EEFSEC: variants seen among roughly 807,000 people sequenced by gnomAD.
The protein encoded by EEFSEC is selenocysteine-specific elongation factor.
EEFSEC carries 43 observed loss-of-function variants against 42.1 expected under a neutral mutation model. The ratio of observed to expected loss-of-function variants is 1.02; its 90% CI spans 0.80 to 1.32. The LOEUF (loss-of-function observed/expected upper bound fraction) is 1.32, where lower values mean the gene tolerates loss of function less well. Ranked by LOEUF, EEFSEC falls within the 40% of genes most tolerant of loss-of-function variation. EEFSEC has a pLI of 0.00. For missense variants in EEFSEC, 745 were observed against 803.6 expected (o/e 0.93, Z 0.88); for synonymous variants, 354 against 339.1 (o/e 1.04, Z -0.48).
intron 1 of EEFSEC, among the ~76,000 whole-genome samples, chr3:128,220,979 ATTCT>A (rs1208078569): frequency 6.6e-6 from 1 of 152,246 alleles, no homozygotes; most frequent in Non-Finnish European, 1.5e-5. Flanking sequence ...ACCAAAGTGA[ATTCT>A]CGTTACTCTC....
At chr3:128,403,529 G>A (rs1350459957) in intron 6 of EEFSEC, among the ~76,000 whole-genome samples, 1 of 152,168 alleles carries the variant, frequency 6.6e-6, no homozygotes, top group South Asian at 2.1e-4. Flanking sequence ...CACTCAGCAC[G>A]TGGCCTTGTC....
At chr3:128,282,220 C>T (rs1253351816) in intron 4 of EEFSEC, among the ~76,000 whole-genome samples, 1 of 152,214 alleles carries the variant, frequency 6.6e-6, no homozygotes, top group Admixed American at 6.5e-5. Context: ...CATGAAATGC[C>T]AGCCACTGGT....
chr3:128,160,032 T>A (rs1279495751), intron 1 of EEFSEC, among the ~76,000 whole-genome samples: 1 of 152,196 alleles, frequency 6.6e-6, no homozygotes, highest in African/African-American at 2.4e-5. Context: ...GGATAGATAT[T>A]TAGTAAGTTC....
chr3:128,272,683 A>G (rs1350028018), intron 4 of EEFSEC, among the ~76,000 whole-genome samples: 2 of 152,126 alleles, frequency 1.3e-5, no homozygotes, highest in Non-Finnish European at 2.9e-5. Context: ...AGCTGTTAGG[A>G]ACACAATTAA....
At chr3:128,420,683 C>T in the EEFSEC span, among the ~76,000 whole-genome samples, 1 of 152,202 alleles carries the variant, frequency 6.6e-6, no homozygotes, top group Admixed American at 6.5e-5. Flanking sequence ...ATATGCAGAG[C>T]CCCAGTGAAA....
At chr3:128,222,284 C>T (rs902697143) in intron 1 of EEFSEC, among the ~76,000 whole-genome samples, 13 of 152,078 alleles carry the variant, frequency 8.5e-5, no homozygotes, top group African/African-American at 2.2e-4. Context: ...CTGCCTGCCT[C>T]GGCTTCCCAA....
intron 1 of EEFSEC, among the ~76,000 whole-genome samples, chr3:128,208,867 T>C (rs2065727225): frequency 6.6e-6 from 1 of 152,226 alleles, no homozygotes; most frequent in African/African-American, 2.4e-5. Flanking sequence ...TACTTCTCAC[T>C]GAATGCTTAC....
intron 2 of EEFSEC, among the ~76,000 whole-genome samples, chr3:128,249,377 A>G (rs924267525): frequency 6.6e-6 from 1 of 152,178 alleles, no homozygotes; most frequent in Non-Finnish European, 1.5e-5. Context: ...CTTTTTAACT[A>G]TGTGTAGTAT....
At chr3:128,223,497 A>T (rs113914463) in intron 1 of EEFSEC, among the ~76,000 whole-genome samples, 5 of 152,318 alleles carry the variant, frequency 3.3e-5, no homozygotes, top group African/African-American at 1.2e-4. Context: ...CCCTTAAGCT[A>T]TGGAGTCTGA....
intron 4 of EEFSEC, among the ~76,000 whole-genome samples, chr3:128,282,544 C>T (rs1367134021): frequency 6.6e-6 from 1 of 152,242 alleles, no homozygotes; most frequent in Non-Finnish European, 1.5e-5. Flanking sequence ...TGCCAGGACA[C>T]GTGCACATGT....
rs140676279 is a variant in EEFSEC, at chr3:128,247,917, C to T, written c.524+874C>T. On this transcript the variant is annotated intron_variant, in intron 2 of 6. Coordinates refer to ENST00000254730, the MANE Select transcript of EEFSEC (RefSeq NM_021937.5). Reference sequence around the variant, plus strand: ...GGAGGTGGCTTGGGGAGATATCTAGCGGGAGAATCCACAGCCCTGGTGAAG... The same window carrying T: ...GGAGGTGGCTTGGGGAGATATCTAGTGGGAGAATCCACAGCCCTGGTGAAG... 8.3e-4 allele frequency among the ~76,000 whole-genome samples: 126 copies of T among 152,204 alleles called. 1 individual carries two copies. Among genetic ancestry groups the T allele is most frequent in the African/African-American group, 2.7e-3 (114 of 41,524 alleles).
chr3:128,407,994 A>C (rs928756254), intron 6 of EEFSEC, 75 bp from the exon 7 acceptor site: 5 of 1,385,844 alleles, frequency 3.6e-6, no homozygotes, highest in Non-Finnish European at 4.8e-6. Flanking sequence ...GAGTCTAGGC[A>C]GCAGGTGCGC....
Position 128,153,736 on chromosome 3 carries a change from G to GCCGAGC in EEFSEC, c.239_244dup (p.Glu80_Pro81dup), listed in dbSNP as rs779646827. The GCCGAGC allele has an allele frequency of 7.2e-5, 112 of 1,545,834 alleles. No individual in the cohort carries two copies. Among genetic ancestry groups the GCCGAGC allele is most frequent in the African/African-American group, 3.9e-4 (28 of 71,232 alleles). On this transcript the variant is annotated inframe_insertion, in exon 1 of 7. Transcript: ENST00000254730. Reference sequence around the variant, plus strand: ...GCCCGAGTTCCAGGCAGCGCCCGAGGCCGAGCCCGAGCCCGGCGAGCCACT... The same window carrying GCCGAGC: ...GCCCGAGTTCCAGGCAGCGCCCGAGGCCGAGCCCGAGCCCGAGCCCGGCGAGCCACT...
chr3:128,158,418 G>A (rs1317641024), intron 1 of EEFSEC, among the ~76,000 whole-genome samples: 1 of 152,208 alleles, frequency 6.6e-6, no homozygotes, highest in African/African-American at 2.4e-5. Context: ...ACATGCTACA[G>A]ATAAATTTTT....
chr3:128,209,491 G>GC (rs2107829834), intron 1 of EEFSEC, among the ~76,000 whole-genome samples: 1 of 152,316 alleles, frequency 6.6e-6, no homozygotes, highest in South Asian at 2.1e-4. Flanking sequence ...GTAAGGCTAG[G>GC]CGCCAGTCTT....
chr3:128,405,681 G>A (rs1421279917), intron 6 of EEFSEC, among the ~76,000 whole-genome samples: 1 of 152,264 alleles, frequency 6.6e-6, no homozygotes, highest in African/African-American at 2.4e-5. Flanking sequence ...TAGCTGCCTT[G>A]ACTTTTCAGG....
chr3:128,233,247 G>C (rs2065976550), intron 1 of EEFSEC, among the ~76,000 whole-genome samples: 1 of 152,190 alleles, frequency 6.6e-6, no homozygotes, highest in Non-Finnish European at 1.5e-5. Context: ...TATCTTTACA[G>C]TTAATTTCTC....
Position 128,351,975 on chromosome 3 carries a change from A to G in EEFSEC, c.1444-6242A>G, listed in dbSNP as rs144278309. ...TGCGTTGCCTTTGGTTTGACGTCAC[A>G]ATGATTGATTTCAAAATGAAAACCC... is the stretch of plus-strand genomic sequence containing the variant. On this transcript the variant is annotated intron_variant, in intron 5 of 6. Transcript: ENST00000254730. Among the ~76,000 whole-genome samples, 296 of 152,346 alleles carry G rather than the reference A, an allele frequency of 1.9e-3. 1 individual carries two copies. The Middle Eastern group carries it at 0.024, about 12-fold the overall frequency.
chr3:128,334,754 T>A (rs2067171606), intron 4 of EEFSEC, among the ~76,000 whole-genome samples: 1 of 152,212 alleles, frequency 6.6e-6, no homozygotes, highest in South Asian at 2.1e-4. Flanking sequence ...CCAGAAGTGC[T>A]TGGTGCTGGA....
Sources: allele counts gnomAD v4.1 joint callset (sites outside exome capture counted in the v4.1 genomes callset), GRCh38; gene constraint gnomAD v4.1.1; transcripts MANE v1.5; gene names NCBI Gene and HGNC (gene_info 2026-07-23, HGNC 2026-07-21).